The following AUTS2 variants were observed in gnomAD, a reference collection of about 807,000 sequenced individuals.
The protein encoded by AUTS2 is autism susceptibility gene 2 protein.
A neutral mutation model predicts 112.4 loss-of-function variants in AUTS2; 17 were observed. That is an observed-to-expected ratio of 0.15 (90% CI 0.10 to 0.23). AUTS2 has a LOEUF of 0.23. Ranked by LOEUF, AUTS2 falls within the 10% of genes least tolerant of loss-of-function variation. The probability of loss-of-function intolerance (pLI) is 1.00; values close to 1 mark genes in which losing one functional copy is unlikely to be tolerated. For synonymous variants in AUTS2, 751 were observed against 702.7 expected, an observed-to-expected ratio of 1.07 and a Z score of -1.09; for missense variants, 1,510 against 1,701.6, an observed-to-expected ratio of 0.89 and a Z score of 1.98.
intron 5 of AUTS2, among the ~76,000 whole-genome samples, chr7:70,577,462 C>T (rs946589411): frequency 3.3e-5 from 5 of 152,202 alleles, no homozygotes; most frequent in African/African-American, 1.2e-4. Flanking sequence ...CTTTAAGGTA[C>T]TTTAAATCCT....
At position 70,790,262 on chromosome 7, in the gene AUTS2, C is replaced by T. The variant is rs1220228952; in HGVS notation, c.3046C>T (p.Pro1016Ser). 6.2e-7 allele frequency: 1 copy of T among 1,613,002 alleles called. No homozygotes were observed. The highest frequency in any genetic ancestry group is 8.5e-7 in the Non-Finnish European group (1 of 1,179,888). The change falls in exon 19 of 19, where the codon CCG becomes TCG. Residue 1016 changes from proline to serine, a missense_variant. By Grantham distance (74) the Pro-to-Ser change is moderately conservative. Transcript: ENST00000342771. The surrounding 1 kb of genome is among the most constrained non-coding windows in gnomAD (Gnocchi z 7.6). ...TCCCAACTCCTCGTCCAGCGTGCAC[C>T]CGGGGCCCCTGGCCTCGATGCCCAT... ...PPPNSSSSVHPGPLASMPMTV... is the reference protein window; with the variant it reads ...PPPNSSSSVHSGPLASMPMTV...
At chr7:70,387,213 A>G (rs1793653082) in intron 4 of AUTS2, among the ~76,000 whole-genome samples, 1 of 151,906 alleles carries the variant, frequency 6.6e-6, no homozygotes, top group Non-Finnish European at 1.5e-5. Flanking sequence ...ACTCACTCCC[A>G]CTTCACTTCT....
At chr7:69,732,951 T>C (rs1406214662) in intron 1 of AUTS2, among the ~76,000 whole-genome samples, 1 of 152,192 alleles carries the variant, frequency 6.6e-6, no homozygotes, top group Non-Finnish European at 1.5e-5. Flanking sequence ...AAGATTGTCA[T>C]TTCCTTGAAC....
chr7:69,790,326 A>G lies in AUTS2; in HGVS notation c.310-108960A>G, dbSNP rs556026939. Among the ~76,000 whole-genome samples, 12 of 152,212 alleles carry G rather than the reference A, an allele frequency of 7.9e-5. No individual in the cohort carries two copies. In the South Asian group the frequency reaches 8.3e-4, roughly 11 times the overall value. ...CATCAGAGAATCATTGATTTTATGT[A>G]ATCTAGATTTTATCCCATTCCAAAT... On this transcript the variant is annotated intron_variant, in intron 1 of 18. Transcript: ENST00000342771.
chr7:70,278,580 AACATACATACATACAT>A (rs59363161), intron 4 of AUTS2, among the ~76,000 whole-genome samples: 6,835 of 149,732 alleles, frequency 0.046, 198 homozygotes, highest in East Asian at 0.13. Context: ...GTCTCTCAAA[AACATACATACATACAT>A]ACATACATAC....
chr7:70,116,371 A>T (rs1348082092), intron 2 of AUTS2, among the ~76,000 whole-genome samples: 1 of 152,146 alleles, frequency 6.6e-6, no homozygotes, highest in Non-Finnish European at 1.5e-5. Context: ...GTATAACCAA[A>T]AGTGAGGTCT....
intron 4 of AUTS2, among the ~76,000 whole-genome samples, chr7:70,188,315 G>A (rs543496865): frequency 1.3e-5 from 2 of 152,248 alleles, no homozygotes; most frequent in African/African-American, 2.4e-5. Context: ...CTACAGGGGC[G>A]GATCTTTGAG....
intron 4 of AUTS2, among the ~76,000 whole-genome samples, chr7:70,263,054 G>A (rs924430019): frequency 2.0e-5 from 3 of 151,806 alleles, no homozygotes; most frequent in African/African-American, 7.3e-5. Flanking sequence ...ATGTTACTAG[G>A]AAATATATTT....
At chr7:70,510,179 G>A (rs1483081336) in intron 5 of AUTS2, among the ~76,000 whole-genome samples, 3 of 152,198 alleles carry the variant, frequency 2.0e-5, no homozygotes, top group Admixed American at 6.5e-5. Flanking sequence ...CCAGAATAGG[G>A]TGTGGGGCCC....
At chr7:70,031,437 C>T (rs1032383170) in intron 2 of AUTS2, among the ~76,000 whole-genome samples, 3 of 152,134 alleles carry the variant, frequency 2.0e-5, no homozygotes, top group African/African-American at 4.8e-5. Flanking sequence ...AGAGCACTAA[C>T]GTCCTGATTA....
chr7:69,751,712 G>C (rs1292857956), intron 1 of AUTS2, among the ~76,000 whole-genome samples: 1 of 152,176 alleles, frequency 6.6e-6, no homozygotes, highest in African/African-American at 2.4e-5. Flanking sequence ...GGTATGGCCA[G>C]GTGTCATCAT....
chr7:69,945,482 G>T lies in AUTS2; in HGVS notation c.522+45984G>T, dbSNP rs189574381. Among the ~76,000 whole-genome samples, 6 of 152,214 alleles carry T rather than the reference G, an allele frequency of 3.9e-5. No homozygotes were observed. The East Asian group carries it at 9.6e-4, about 24-fold the overall frequency. On this transcript the variant is annotated intron_variant, in intron 2 of 18. Transcript: ENST00000342771. Reference sequence around the variant, plus strand: ...ATATTAAAGTATAATTGGCAAAAAAGTACATATTTAAGATGTATAATGTGA... The same window carrying T: ...ATATTAAAGTATAATTGGCAAAAAATTACATATTTAAGATGTATAATGTGA...
At chr7:69,967,963 C>T (rs935902467) in intron 2 of AUTS2, among the ~76,000 whole-genome samples, 2 of 152,158 alleles carry the variant, frequency 1.3e-5, no homozygotes, top group African/African-American at 2.4e-5. Context: ...GGATGAAGCA[C>T]AAGCTCTTTG....
intron 2 of AUTS2, among the ~76,000 whole-genome samples, chr7:69,951,571 A>G (rs1236190098): frequency 6.6e-6 from 1 of 152,196 alleles, no homozygotes; most frequent in Admixed American, 6.6e-5. Flanking sequence ...CAGTAAATCC[A>G]CACAGAGAAT....
At chr7:70,110,457 A>G (rs1002926674) in intron 2 of AUTS2, among the ~76,000 whole-genome samples, 15 of 152,204 alleles carry the variant, frequency 9.9e-5, no homozygotes, top group Non-Finnish European at 2.2e-4. Context: ...CAGAGGTTGC[A>G]GTGAGCCGAG....
At chr7:70,776,875 G>A (rs187240456) in intron 13 of AUTS2, 84 of 571,258 alleles carry the variant, frequency 1.5e-4, no homozygotes, top group African/African-American at 1.4e-3. Flanking sequence ...TTGTCAATGT[G>A]GTTTTCTGAG....
At chr7:69,804,601 A>G (rs996747634) in intron 1 of AUTS2, among the ~76,000 whole-genome samples, 26 of 152,296 alleles carry the variant, frequency 1.7e-4, no homozygotes, top group African/African-American at 6.3e-4. Context: ...TTGCTTTATC[A>G]TTCTCCTGAT....
intron 1 of AUTS2, among the ~76,000 whole-genome samples, chr7:69,778,667 CT>C (rs1789004598): frequency 6.6e-6 from 1 of 152,062 alleles, no homozygotes; most frequent in African/African-American, 2.4e-5. Flanking sequence ...GATTTTTGTT[CT>C]TGTAAAGTTA....
chr7:70,245,011 T>G (rs1812821065), intron 4 of AUTS2, among the ~76,000 whole-genome samples: 1 of 150,902 alleles, frequency 6.6e-6, no homozygotes, highest in African/African-American at 2.4e-5. Context: ...TCCCAGCTAC[T>G]TGGGAGGCTG....
Sources: allele counts gnomAD v4.1 joint callset (sites outside exome capture counted in the v4.1 genomes callset), GRCh38; gene constraint gnomAD v4.1.1; non-coding constraint Gnocchi (gnomAD v3.1); transcripts MANE v1.5; gene names NCBI Gene and HGNC (gene_info 2026-07-23, HGNC 2026-07-21).